ATRNL1: variants seen among roughly 807,000 people sequenced by gnomAD.
The protein encoded by ATRNL1 is attractin-like protein 1.
Under a neutral mutation model 182.7 loss-of-function variants are expected in ATRNL1, and 95 were observed. That is an observed-to-expected ratio of 0.52 (90% CI 0.44 to 0.62). ATRNL1 has a LOEUF of 0.62. Ranked by LOEUF, ATRNL1 falls within the 20% of genes least tolerant of loss-of-function variation. The probability of loss-of-function intolerance (pLI) is 0.00; values close to 1 mark genes in which losing one functional copy is unlikely to be tolerated. For synonymous variants in ATRNL1, 576 were observed against 568.3 expected, an observed-to-expected ratio of 1.01 and a Z score of -0.19; for missense variants, 1,471 against 1,679.5, an observed-to-expected ratio of 0.88 and a Z score of 2.17.
At chr10:115,869,153 G>A (rs1397425587) in intron 28 of ATRNL1, among the ~76,000 whole-genome samples, 1 of 152,046 alleles carries the variant, frequency 6.6e-6, no homozygotes, top group African/African-American at 2.4e-5. Context: ...TTAATTGGTG[G>A]CTTTTATTTT....
At position 115,286,399 on chromosome 10, in the gene ATRNL1, T is replaced by C; in HGVS notation, c.2415+2T>C. 6.7e-7 allele frequency: 1 copy of C among 1,498,608 alleles called. No individual in the cohort carries two copies. The highest frequency in any genetic ancestry group is 9.0e-7 in the Non-Finnish European group (1 of 1,110,902). The allele number at this position is 1,498,608 out of a possible 1,614,324, so 92.8% of individuals were successfully genotyped here. ...GAAATACAGAAGTATACACAACAGG[T>C]AACATTTCTACTTGTTTACATTATG... is the stretch of plus-strand genomic sequence containing the variant. On this transcript the variant is annotated splice_donor_variant, in intron 15 of 28. Transcript: ENST00000355044. LOFTEE classifies it high-confidence loss of function.
intron 6 of ATRNL1, among the ~76,000 whole-genome samples, chr10:115,160,527 A>G (rs1846734612): frequency 1.6e-3 from 2 of 1,264 alleles, no homozygotes. Context: ...AATTCATGCC[A>G]CTTTTTTTTT....
chr10:115,584,672 G>T (rs11527963), intron 26 of ATRNL1, among the ~76,000 whole-genome samples: 1 of 150,796 alleles, frequency 6.6e-6, no homozygotes, highest in African/African-American at 2.4e-5. Context: ...AGCTGTCTAT[G>T]AATTTTGTTG....
rs1393000021 is a variant in ATRNL1, at chr10:115,917,488, A to AG, written c.4019-27170_4019-27169insG. On this transcript the variant is annotated intron_variant, in intron 28 of 28. Coordinates refer to ENST00000355044, the MANE Select transcript of ATRNL1 (RefSeq NM_207303.4). The stretch of plus-strand genomic sequence containing the variant: ...CTGTCTCAAAAAAAAAAAAAAAAGA[A>AG]AAAAAAAACGGGGCCATGATATTCA... 6.7e-5 allele frequency among the ~76,000 whole-genome samples: 7 copies of AG among 103,714 alleles called. No individual in the cohort carries two copies. In the East Asian group the frequency reaches 1.8e-3, roughly 27 times the overall value. 68.0% of individuals were successfully genotyped at this position (103,714 alleles called of 152,430 possible). A position where few individuals can be genotyped will look rare whatever the true frequency, so the allele number is the denominator to read the frequency against.
At chr10:115,186,704 G>A (rs936908233) in intron 8 of ATRNL1, among the ~76,000 whole-genome samples, 2 of 152,064 alleles carry the variant, frequency 1.3e-5, no homozygotes, top group Non-Finnish European at 2.9e-5. Flanking sequence ...AAGGGTCGTT[G>A]GTGGGGATGT....
chr10:115,771,278 C>G (rs1214041853), intron 27 of ATRNL1, among the ~76,000 whole-genome samples: 1 of 150,686 alleles, frequency 6.6e-6, no homozygotes, highest in Non-Finnish European at 1.5e-5. Flanking sequence ...TCGCCCAGGC[C>G]GGACTGCAGT....
At chr10:115,476,380 G>A (rs540438100) in intron 24 of ATRNL1, among the ~76,000 whole-genome samples, 1 of 151,114 alleles carries the variant, frequency 6.6e-6, no homozygotes, top group Admixed American at 6.6e-5. Context: ...TTCTGCTCTT[G>A]TTATTCTTTT....
chr10:115,727,662 T>C (rs947934738), intron 27 of ATRNL1, among the ~76,000 whole-genome samples: 26 of 152,192 alleles, frequency 1.7e-4, no homozygotes, highest in African/African-American at 6.0e-4. Flanking sequence ...AAAGCGCCTA[T>C]ATTTAGTCTT....
At chr10:115,275,972 T>A (rs1274425585) in intron 13 of ATRNL1, among the ~76,000 whole-genome samples, 1 of 152,188 alleles carries the variant, frequency 6.6e-6, no homozygotes. Context: ...AATGTATAAT[T>A]TCTGCTTAGT....
At chr10:115,814,375 A>G (rs1045399368) in intron 27 of ATRNL1, among the ~76,000 whole-genome samples, 2 of 152,176 alleles carry the variant, frequency 1.3e-5, no homozygotes, top group Non-Finnish European at 2.9e-5. Flanking sequence ...AAGACTCATT[A>G]TTGGCTGAAG....
chr10:115,426,318 T>G lies in ATRNL1; in HGVS notation c.3322+16T>G. The G allele has an allele frequency of 1.3e-6, 2 of 1,574,478 alleles. No individual in the cohort carries two copies. Among genetic ancestry groups the G allele is most frequent in the Non-Finnish European group, 1.7e-6 (2 of 1,149,788 alleles). On this transcript the variant is annotated intron_variant, in intron 21 of 28. Transcript: ENST00000355044. ...ACATGTTATTGTAAGTATATGTGTATTCTTCATTTTAAATAATTGGTGCAT... is the reference window on the plus strand; with the variant it reads ...ACATGTTATTGTAAGTATATGTGTAGTCTTCATTTTAAATAATTGGTGCAT...
At chr10:115,447,688 A>G (rs1847071507) in intron 21 of ATRNL1, among the ~76,000 whole-genome samples, 1 of 151,918 alleles carries the variant, frequency 6.6e-6, no homozygotes, top group Non-Finnish European at 1.5e-5. Context: ...TTTGATGCAC[A>G]TCTAAGTTGT....
intron 10 of ATRNL1, among the ~76,000 whole-genome samples, chr10:115,250,062 C>G (rs1178322796): frequency 1.3e-5 from 2 of 152,098 alleles, no homozygotes; most frequent in Non-Finnish European, 2.9e-5. Context: ...AGAGAATTCC[C>G]CATATGGCCA....
At chr10:115,549,171 C>T (rs17093239) in intron 25 of ATRNL1, among the ~76,000 whole-genome samples, 11,066 of 151,934 alleles carry the variant, frequency 0.073, 797 homozygotes, top group African/African-American at 0.19. Flanking sequence ...GTTGTGATTT[C>T]TGTTGCTTCA....
intron 3 of ATRNL1, among the ~76,000 whole-genome samples, chr10:115,125,321 C>T (rs1172661077): frequency 2.6e-5 from 4 of 151,990 alleles, no homozygotes; most frequent in Non-Finnish European, 4.4e-5. Flanking sequence ...GTGAGTGGCC[C>T]GAAGGTTGCC....
At chr10:115,326,589 A>G in intron 18 of ATRNL1, among the ~76,000 whole-genome samples, 1 of 151,960 alleles carries the variant, frequency 6.6e-6, no homozygotes, top group African/African-American at 2.4e-5. Flanking sequence ...ACTACTTTAA[A>G]GTTCATATGG....
intron 27 of ATRNL1, among the ~76,000 whole-genome samples, chr10:115,823,745 G>C (rs1251269882): frequency 6.6e-6 from 1 of 152,152 alleles, no homozygotes; most frequent in Non-Finnish European, 1.5e-5. Flanking sequence ...TCTTCAAGGA[G>C]AACGACAAAC....
chr10:115,852,075 C>T (rs2134367202), intron 28 of ATRNL1, among the ~76,000 whole-genome samples: 1 of 152,280 alleles, frequency 6.6e-6, no homozygotes, highest in African/African-American at 2.4e-5. Context: ...TTATGGATTT[C>T]ATAATTTGTG....
intron 24 of ATRNL1, among the ~76,000 whole-genome samples, chr10:115,499,543 G>A (rs1849711508): frequency 6.6e-6 from 1 of 152,178 alleles, no homozygotes; most frequent in East Asian, 1.9e-4. Flanking sequence ...TTAGAGCACA[G>A]TCTGGTTTTA....
Sources: gnomAD v4.1 joint callset for allele counts (sites outside exome capture counted in the v4.1 genomes callset) on GRCh38, gnomAD v4.1.1 for gene constraint, MANE v1.5 for transcripts, NCBI Gene and HGNC (gene_info 2026-07-23, HGNC 2026-07-21) for gene names.